Variants in RHAG observed in about 807,000 individuals in gnomAD.
The protein encoded by RHAG is Rh associated glycoprotein.
Under a neutral mutation model 42.4 loss-of-function variants are expected in RHAG, and 25 were observed. That is an observed-to-expected ratio of 0.59 (90% CI 0.43 to 0.82). The LOEUF is 0.82. Among genes scored for constraint, RHAG ranks in the 40% least tolerant of loss-of-function variants. RHAG has a pLI of 0.00. For missense variants in RHAG, 483 were observed against 504.6 expected, an observed-to-expected ratio of 0.96 and a Z score of 0.41; for synonymous variants, 182 against 177.7, an observed-to-expected ratio of 1.02 and a Z score of -0.19.
chr6:49,635,805 T>TA (rs1218141686), intron 1 of RHAG, among the ~76,000 whole-genome samples: 5 of 152,186 alleles, frequency 3.3e-5, no homozygotes, highest in Non-Finnish European at 5.9e-5. Flanking sequence ...AGCTTAGACA[T>TA]ATGCTATGAA....
intron 1 of RHAG, among the ~76,000 whole-genome samples, chr6:49,624,481 A>C (rs1373537828): frequency 6.6e-6 from 1 of 152,238 alleles, no homozygotes; most frequent in African/African-American, 2.4e-5. Flanking sequence ...CTGGGATTAC[A>C]GGCATGAGCC....
At chr6:49,633,300 G>A (rs1169521781) in intron 1 of RHAG, among the ~76,000 whole-genome samples, 1 of 152,090 alleles carries the variant, frequency 6.6e-6, no homozygotes, top group East Asian at 1.9e-4. Flanking sequence ...CTGGCACTGG[G>A]CATGGAACTA....
At chr6:49,614,875 G>A (rs1249756964) in intron 4 of RHAG, 22 bp from the exon 5 acceptor site, 4 of 1,611,438 alleles carry the variant, frequency 2.5e-6, no homozygotes, top group Non-Finnish European at 3.4e-6. Context: ...CAAAAGAGGG[G>A]ATATTAGTTC....
At chr6:49,635,465 CTAAATGAA>C (rs1444467581) in intron 1 of RHAG, among the ~76,000 whole-genome samples, 2 of 151,846 alleles carry the variant, frequency 1.3e-5, no homozygotes, top group East Asian at 3.9e-4. Flanking sequence ...AAAATATGTA[CTAAATGAA>C]TAAATGGATG....
intron 1 of RHAG, among the ~76,000 whole-genome samples, chr6:49,621,041 C>T (rs757610279): frequency 5.9e-5 from 9 of 152,056 alleles, no homozygotes; most frequent in Admixed American, 5.2e-4. Context: ...ATAAAATAAC[C>T]GAAGCAGAGC....
chr6:49,615,123 T>C (rs946207543), intron 4 of RHAG: 15 of 385,854 alleles, frequency 3.9e-5, no homozygotes, highest in Non-Finnish European at 6.7e-5. Context: ...AACTTTTTTT[T>C]GTATTTTTAG....
intron 4 of RHAG, 24 bp from the exon 5 acceptor site, chr6:49,614,877 T>A (rs1438287779): frequency 6.2e-7 from 1 of 1,611,084 alleles, no homozygotes; most frequent in Non-Finnish European, 8.5e-7. Flanking sequence ...AAAGAGGGGA[T>A]ATTAGTTCTG....
At chr6:49,635,894 G>C (rs1429387308) in intron 1 of RHAG, among the ~76,000 whole-genome samples, 1 of 152,032 alleles carries the variant, frequency 6.6e-6, no homozygotes, top group Non-Finnish European at 1.5e-5. Context: ...AAAGCAAATA[G>C]TCTATATAAT....
chr6:49,609,334 T>C (rs746313040), intron 7 of RHAG, among the ~76,000 whole-genome samples: 1 of 152,124 alleles, frequency 6.6e-6, no homozygotes, highest in Non-Finnish European at 1.5e-5. Context: ...ACTTAACCAA[T>C]GTCTGACCTC....
intron 1 of RHAG, among the ~76,000 whole-genome samples, chr6:49,627,339 G>A (rs933729019): frequency 6.6e-6 from 1 of 152,038 alleles, no homozygotes; most frequent in Non-Finnish European, 1.5e-5. Flanking sequence ...CTTCAGGGGA[G>A]GGGCAAAACT....
chr6:49,622,561 C>A (rs976599451), intron 1 of RHAG, among the ~76,000 whole-genome samples: 26 of 152,046 alleles, frequency 1.7e-4, no homozygotes, highest in Admixed American at 8.5e-4. Context: ...CTCTTTGCCT[C>A]CTGACACACC....
chr6:49,621,150 A>G (rs1403835364), intron 1 of RHAG, among the ~76,000 whole-genome samples: 1 of 152,086 alleles, frequency 6.6e-6, no homozygotes, highest in African/African-American at 2.4e-5. Flanking sequence ...AGGGTAAGAG[A>G]CTGTGGTACA....
intron 1 of RHAG, among the ~76,000 whole-genome samples, chr6:49,634,753 T>C (rs961745218): frequency 3.9e-5 from 6 of 152,134 alleles, no homozygotes; most frequent in Admixed American, 3.3e-4. Context: ...TTCATGTTTT[T>C]ACAAGTAGTG....
chr6:49,636,593 T>C, intron 1 of RHAG, 63 bp downstream of exon 1: 1 of 1,520,192 alleles, frequency 6.6e-7, no homozygotes. Context: ...TATTCAATTG[T>C]TTTACATTCT....
chr6:49,626,608 A>G (rs1291811588), intron 1 of RHAG, among the ~76,000 whole-genome samples: 1 of 152,090 alleles, frequency 6.6e-6, no homozygotes, highest in Non-Finnish European at 1.5e-5. Flanking sequence ...TGGATCTACC[A>G]TTCTGGGGTC....
At chr6:49,631,772 G>C (rs1328290930) in intron 1 of RHAG, 1 of 152,124 alleles carries the variant, frequency 6.6e-6, no homozygotes, top group Non-Finnish European at 1.5e-5. Context: ...GCATCACATC[G>C]GTTCTGCTAG....
chr6:49,627,328 T>A (rs184911199), intron 1 of RHAG, among the ~76,000 whole-genome samples: 281 of 152,300 alleles, frequency 1.8e-3, no homozygotes, highest in African/African-American at 6.5e-3. Context: ...GTTCTGCAGA[T>A]CTTCAGGGGA....
intron 9 of RHAG, 147 bp from the exon 10 acceptor site, chr6:49,605,977 A>G (rs1349458665): frequency 1.4e-6 from 1 of 734,666 alleles, no homozygotes; most frequent in East Asian, 2.7e-5. Context: ...AAGAAAAATA[A>G]AAGAATAAAA....
Position 49,618,161 on chromosome 6 carries a change from C to T in RHAG, c.399G>A (p.Leu133=), listed in dbSNP as rs1384781030. ...ATVLISFGAV[L]GKTSPTQMLI... Reference sequence around the variant, plus strand: ...GCATTTGGGTGGGGCTCGTTTTTCCCAGGACAGCTCCAAAAGATATCAGAA... The same window carrying T: ...GCATTTGGGTGGGGCTCGTTTTTCCTAGGACAGCTCCAAAAGATATCAGAA... Residue 133 remains leucine, a synonymous_variant, in exon 3 of 10, where the codon CTG becomes CTA. Coordinates refer to ENST00000371175, the MANE Select transcript of RHAG (RefSeq NM_000324.3). The T allele has an allele frequency of 9.3e-6, 15 of 1,614,130 alleles. No homozygotes were observed. Among genetic ancestry groups the T allele is most frequent in the Non-Finnish European group, 1.3e-5 (15 of 1,180,020 alleles).
Sources: allele counts gnomAD v4.1 joint callset (sites outside exome capture counted in the v4.1 genomes callset), GRCh38; gene constraint gnomAD v4.1.1; transcripts MANE v1.5; gene names NCBI Gene and HGNC (gene_info 2026-07-23, HGNC 2026-07-21).